SCAND3: variants seen among roughly 807,000 people sequenced by gnomAD.
SCAND3 encodes the protein SCAN domain containing 3, also known as SCAN domain-containing protein 3.
the SCAND3 span, among the ~76,000 whole-genome samples, chr6:28,597,109 A>C: frequency 2.0e-5 from 3 of 152,166 alleles, no homozygotes; most frequent in African/African-American, 4.8e-5. Flanking sequence ...ACACTACCCA[A>C]ATGTTTCAAC....
chr6:28,598,683 AAAAATAAAAT>A, the SCAND3 span, among the ~76,000 whole-genome samples: 16,511 of 137,930 alleles, frequency 0.12, 2,161 homozygotes, highest in African/African-American at 0.33. Flanking sequence ...TGTTTCTACT[AAAAATAAAAT>A]AAAATAAAAT....
chr6:28,614,786 C>T, the SCAND3 span, among the ~76,000 whole-genome samples: 2 of 151,896 alleles, frequency 1.3e-5, no homozygotes, highest in African/African-American at 4.8e-5. Context: ...CTTGAATAAA[C>T]TGTACACATG....
At chr6:28,593,662 C>T in the SCAND3 span, 4 of 152,174 alleles carry the variant, frequency 2.6e-5, no homozygotes, top group Non-Finnish European at 5.9e-5. Context: ...GGGACAAGAA[C>T]GAGACTTCGT....
At chr6:28,574,825 C>T in the SCAND3 span, 3 of 1,614,110 alleles carry the variant, frequency 1.9e-6, no homozygotes, top group Non-Finnish European at 2.5e-6. Flanking sequence ...GGGCACTCCA[C>T]AAATTGCATG....
chr6:28,615,388 C>A, the SCAND3 span, among the ~76,000 whole-genome samples: 2 of 151,980 alleles, frequency 1.3e-5, no homozygotes, highest in African/African-American at 2.4e-5. Flanking sequence ...CCGAGGTGGG[C>A]GGATCATTTG....
the SCAND3 span, among the ~76,000 whole-genome samples, chr6:28,584,473 C>T: frequency 1.2e-4 from 19 of 152,048 alleles, 1 homozygote; most frequent in Non-Finnish European, 2.8e-4. Flanking sequence ...CTAGTCTTTA[C>T]AATTCATTTT....
chr6:28,595,330 C>CAA, the SCAND3 span, among the ~76,000 whole-genome samples: 835 of 37,298 alleles, frequency 0.022, 138 homozygotes, highest in African/African-American at 0.045. Flanking sequence ...AACCCAGTCT[C>CAA]AAAAAAAAAA....
At chr6:28,582,897 G>A in the SCAND3 span, among the ~76,000 whole-genome samples, 1 of 151,996 alleles carries the variant, frequency 6.6e-6, no homozygotes, top group East Asian at 1.9e-4. The surrounding 1 kb of genome is among the most constrained non-coding windows in gnomAD (Gnocchi z 4.8). Context: ...ACTCCTGCCT[G>A]GGGACAGAGT....
the SCAND3 span, chr6:28,586,231 C>T: frequency 7.3e-7 from 1 of 1,362,004 alleles, no homozygotes; most frequent in Non-Finnish European, 1.0e-6. This position sits in a 1 kb window ranked among gnomAD's most constrained non-coding sequence, Gnocchi z 4.4. Context: ...CGAAATTACT[C>T]CCATTACTCC....
At chr6:28,607,638 A>G in the SCAND3 span, among the ~76,000 whole-genome samples, 2 of 151,866 alleles carry the variant, frequency 1.3e-5, no homozygotes, top group African/African-American at 4.8e-5. Flanking sequence ...CAACCACCCT[A>G]TACCTTACCT....
chr6:28,613,789 C>G, the SCAND3 span, among the ~76,000 whole-genome samples: 1 of 152,016 alleles, frequency 6.6e-6, no homozygotes, highest in African/African-American at 2.4e-5. Flanking sequence ...TTATACACAG[C>G]AAAACAAAAT....
chr6:28,578,907 T>C, the SCAND3 span, among the ~76,000 whole-genome samples: 2 of 152,190 alleles, frequency 1.3e-5, no homozygotes, highest in Non-Finnish European at 2.9e-5. Flanking sequence ...CCAAATAGTA[T>C]TTCCAATGTA....
chr6:28,604,700 C>G, the SCAND3 span, among the ~76,000 whole-genome samples: 1 of 151,498 alleles, frequency 6.6e-6, no homozygotes, highest in Non-Finnish European at 1.5e-5. Flanking sequence ...CTTTTGCATA[C>G]TTCATTTGTA....
the SCAND3 span, among the ~76,000 whole-genome samples, chr6:28,593,919 T>C: frequency 8.5e-5 from 13 of 152,186 alleles, 1 homozygote; most frequent in Non-Finnish European, 1.9e-4. Context: ...TTAGCCAGGC[T>C]GCTCTCAAAC....
At chr6:28,574,666 G>A in the SCAND3 span, 1 of 1,613,630 alleles carries the variant, frequency 6.2e-7, no homozygotes. Context: ...TTTGTCTGGT[G>A]AAAATGGTGT....
the SCAND3 span, among the ~76,000 whole-genome samples, chr6:28,586,003 A>T: frequency 1.8e-4 from 27 of 152,302 alleles, no homozygotes; most frequent in East Asian, 5.8e-4. The surrounding 1 kb of genome is among the most constrained non-coding windows in gnomAD (Gnocchi z 4.4). Context: ...TAATTTTTTA[A>T]AAAAAATTTA....
At chr6:28,610,549 G>T in the SCAND3 span, among the ~76,000 whole-genome samples, 1 of 151,654 alleles carries the variant, frequency 6.6e-6, no homozygotes, top group African/African-American at 2.4e-5. Flanking sequence ...AGAGATGGAG[G>T]GAAGGAAGGA....
At chr6:28,612,396 C>T in the SCAND3 span, among the ~76,000 whole-genome samples, 1 of 152,102 alleles carries the variant, frequency 6.6e-6, no homozygotes, top group Non-Finnish European at 1.5e-5. Context: ...CTCAATGTAT[C>T]AGTTTACTAA....
the SCAND3 span, among the ~76,000 whole-genome samples, chr6:28,614,678 T>C: frequency 1.3e-5 from 2 of 152,112 alleles, no homozygotes. Flanking sequence ...TTGGCCAGGC[T>C]GGTCTTGAAC....
Sources: allele counts gnomAD v4.1 joint callset (sites outside exome capture counted in the v4.1 genomes callset), GRCh38; gene constraint gnomAD v4.1.1; non-coding constraint Gnocchi (gnomAD v3.1); transcripts MANE v1.5; gene names NCBI Gene and HGNC (gene_info 2026-07-23, HGNC 2026-07-21).